TNIK: variants seen among roughly 807,000 people sequenced by gnomAD.
The protein encoded by TNIK is TRAF2 and NCK-interacting protein kinase.
Under a neutral mutation model 191.3 loss-of-function variants are expected in TNIK, and 49 were observed. The ratio of observed to expected loss-of-function variants is 0.26; its 90% CI spans 0.20 to 0.32. The LOEUF (loss-of-function observed/expected upper bound fraction) is 0.32, where lower values mean the gene tolerates loss of function less well. Ranked by LOEUF, TNIK falls within the 10% of genes least tolerant of loss-of-function variation. TNIK has a pLI of 1.00. For missense variants in TNIK, 1,155 were observed against 1,702.3 expected (o/e 0.68, Z 5.66); for synonymous variants, 594 against 600.9 (o/e 0.99, Z 0.17).
intron 2 of TNIK, among the ~76,000 whole-genome samples, chr3:171,312,837 C>T (rs1256755606): frequency 6.6e-6 from 1 of 152,086 alleles, no homozygotes; most frequent in Non-Finnish European, 1.5e-5. Context: ...TGAACTATGG[C>T]TTATGGCTCA....
At chr3:171,269,855 A>G (rs982827767) in intron 2 of TNIK, among the ~76,000 whole-genome samples, 2 of 152,200 alleles carry the variant, frequency 1.3e-5, no homozygotes, top group African/African-American at 2.4e-5. Context: ...TAGGGGAGGG[A>G]CTACTAAGGC....
At chr3:171,067,362 T>C (rs995498764) in intron 30 of TNIK, among the ~76,000 whole-genome samples, 1 of 152,056 alleles carries the variant, frequency 6.6e-6, no homozygotes, top group African/African-American at 2.4e-5. Flanking sequence ...ATATTTAGAA[T>C]GACCACTCAT....
chr3:171,068,745 G>T, intron 30 of TNIK, 103 bp downstream of exon 30: 1 of 1,199,188 alleles, frequency 8.3e-7, no homozygotes, highest in Non-Finnish European at 1.1e-6. Flanking sequence ...TTGCTGGTTA[G>T]TAAAGTGTGC....
intron 22 of TNIK, among the ~76,000 whole-genome samples, chr3:171,098,762 A>G (rs1385468775): frequency 1.3e-5 from 2 of 152,158 alleles, no homozygotes; most frequent in Non-Finnish European, 2.9e-5. Context: ...TATAAAAGGC[A>G]CTCTGGCCCC....
chr3:171,146,395 A>G (rs531772456), intron 12 of TNIK, among the ~76,000 whole-genome samples: 2 of 152,302 alleles, frequency 1.3e-5, no homozygotes, highest in South Asian at 2.1e-4. Flanking sequence ...TATATACATC[A>G]TATTTCCCAT....
intron 2 of TNIK, among the ~76,000 whole-genome samples, chr3:171,339,763 T>C (rs979439778): frequency 6.6e-6 from 1 of 152,198 alleles, no homozygotes; most frequent in African/African-American, 2.4e-5. Flanking sequence ...GCTACCAGAA[T>C]CCGGTCTGTT....
chr3:171,365,848 A>G (rs904879703), intron 2 of TNIK, among the ~76,000 whole-genome samples: 1 of 152,238 alleles, frequency 6.6e-6, no homozygotes, highest in East Asian at 1.9e-4. Context: ...AAGAAATATG[A>G]GAAATACTGA....
chr3:171,258,120 C>T (rs949702624), intron 2 of TNIK, among the ~76,000 whole-genome samples: 1 of 152,060 alleles, frequency 6.6e-6, no homozygotes, highest in African/African-American at 2.4e-5. Context: ...AAATGAAAAG[C>T]GTATGTGTCA....
chr3:171,430,734 A>C (rs1725275993), intron 1 of TNIK, among the ~76,000 whole-genome samples: 1 of 152,078 alleles, frequency 6.6e-6, no homozygotes, highest in African/African-American at 2.4e-5. Context: ...ATGAATAACA[A>C]AAATAAATGT....
rs776620299 is a variant in TNIK, at chr3:171,063,116, A to G, written c.*765T>C. The G allele has an allele frequency of 6.6e-6, 1 of 152,170 alleles. No homozygotes were observed. The highest frequency in any genetic ancestry group is 1.9e-4 in the East Asian group (1 of 5,190). 9.4% of individuals were successfully genotyped at this position (152,170 alleles called of 1,614,324 possible). A position where few individuals can be genotyped will look rare whatever the true frequency, so the allele number is the denominator to read the frequency against. On this transcript the variant is annotated 3_prime_UTR_variant, in exon 33 of 33. Transcript: ENST00000436636. ...ACTCAATGGCGTTAGTATCCTGTTC[A>G]ACACACTCCATTCTGTAAAGGGCCA...
chr3:171,269,478 T>C (rs943103808), intron 2 of TNIK, among the ~76,000 whole-genome samples: 4 of 152,256 alleles, frequency 2.6e-5, no homozygotes, highest in Non-Finnish European at 4.4e-5. Flanking sequence ...ATTGATGTTA[T>C]ACTGGAGTGT....
chr3:171,105,953 G>A (rs1724781589), intron 21 of TNIK, among the ~76,000 whole-genome samples: 1 of 152,276 alleles, frequency 6.6e-6, no homozygotes, highest in South Asian at 2.1e-4. Flanking sequence ...ACGGCACAGA[G>A]CAATTAAAAA....
chr3:171,236,266 T>C (rs570579375), intron 2 of TNIK, among the ~76,000 whole-genome samples: 16 of 152,318 alleles, frequency 1.1e-4, no homozygotes, highest in Admixed American at 9.1e-4. Flanking sequence ...AGAATCTTGA[T>C]AGAATTTGGG....
At chr3:171,327,346 C>A (rs2108353911) in intron 2 of TNIK, among the ~76,000 whole-genome samples, 1 of 152,278 alleles carries the variant, frequency 6.6e-6, no homozygotes, top group East Asian at 1.9e-4. Flanking sequence ...TGGGTGTTCA[C>A]CAACTATTTC....
At chr3:171,375,726 C>T (rs1222664634) in intron 1 of TNIK, among the ~76,000 whole-genome samples, 1 of 152,194 alleles carries the variant, frequency 6.6e-6, no homozygotes, top group African/African-American at 2.4e-5. Flanking sequence ...TTGAAAAAGG[C>T]AAACTTAAGT....
rs192963375 is a variant in TNIK, at chr3:171,306,958, C to G, written c.123+62662G>C. Among the ~76,000 whole-genome samples the G allele has an allele frequency of 1.1e-3, 160 of 152,076 alleles. 2 individuals carry two copies. The highest frequency in any genetic ancestry group is 1.2e-3 in the Non-Finnish European group (81 of 67,974). On this transcript the variant is annotated intron_variant, in intron 2 of 32. Transcript: ENST00000436636. ...AGTCAGACTTGGCAGACACAAGCCCCGGGAACAAAGTCAACAGCATGCTTC... is the reference window on the plus strand; with the variant it reads ...AGTCAGACTTGGCAGACACAAGCCCGGGGAACAAAGTCAACAGCATGCTTC...
chr3:171,108,968 C>A (rs1385836013), intron 19 of TNIK, among the ~76,000 whole-genome samples: 1 of 152,118 alleles, frequency 6.6e-6, no homozygotes, highest in Non-Finnish European at 1.5e-5. Context: ...AAAAAGTAGT[C>A]TTTCTTGGAC....
At chr3:171,083,880 C>A (rs1721000088) in intron 26 of TNIK, among the ~76,000 whole-genome samples, 1 of 152,142 alleles carries the variant, frequency 6.6e-6, no homozygotes, top group Non-Finnish European at 1.5e-5. Context: ...TCAGTGGTAG[C>A]TAGTTCTCTT....
chr3:171,403,383 G>A (rs1401757135), intron 1 of TNIK, among the ~76,000 whole-genome samples: 1 of 152,052 alleles, frequency 6.6e-6, no homozygotes, highest in Non-Finnish European at 1.5e-5. Flanking sequence ...GGGAGACGAA[G>A]GCAGGCAGAT....
Sources: allele counts gnomAD v4.1 joint callset (sites outside exome capture counted in the v4.1 genomes callset), GRCh38; gene constraint gnomAD v4.1.1; transcripts MANE v1.5; gene names NCBI Gene and HGNC (gene_info 2026-07-23, HGNC 2026-07-21).